Variants in DLGAP2 observed in about 807,000 individuals in gnomAD.
The protein encoded by DLGAP2 is DLG associated protein 2.
Under a neutral mutation model 100.3 loss-of-function variants are expected in DLGAP2, and 26 were observed. The observed-to-expected ratio is 0.26, with a 90% confidence interval of 0.19 to 0.36. DLGAP2 has a LOEUF of 0.36. Ranked by LOEUF, DLGAP2 falls within the 10% of genes least tolerant of loss-of-function variation. The probability of loss-of-function intolerance (pLI) is 1.00; values close to 1 mark genes in which losing one functional copy is unlikely to be tolerated. For missense variants in DLGAP2, 1,858 were observed against 1,453.2 expected, an observed-to-expected ratio of 1.28 and a Z score of -4.53; for synonymous variants, 886 against 630.1, an observed-to-expected ratio of 1.41 and a Z score of -6.08.
At chr8:927,071 C>T (rs1249043711) in intron 2 of DLGAP2, 2 of 985,258 alleles carry the variant, frequency 2.0e-6, no homozygotes, top group Middle Eastern at 5.2e-4. Flanking sequence ...TGGGAGAGAT[C>T]CTCGTGGGAG....
chr8:1,295,673 TC>T (rs1215386552), intron 3 of DLGAP2, among the ~76,000 whole-genome samples: 4 of 152,104 alleles, frequency 2.6e-5, no homozygotes, highest in African/African-American at 9.7e-5. Flanking sequence ...CCAATTTGGA[TC>T]CTTTAAAAAC....
chr8:998,745 G>T (rs2129017552), intron 2 of DLGAP2, among the ~76,000 whole-genome samples: 1 of 152,242 alleles, frequency 6.6e-6, no homozygotes, highest in South Asian at 2.1e-4. Flanking sequence ...GGAAAACTTG[G>T]GTTCTTTTAA....
At chr8:1,166,256 G>A (rs1797013800) in intron 2 of DLGAP2, among the ~76,000 whole-genome samples, 1 of 152,168 alleles carries the variant, frequency 6.6e-6, no homozygotes, top group Admixed American at 6.5e-5. Flanking sequence ...CCTGAGTCAT[G>A]GCTAATGGCC....
At chr8:1,009,543 C>T (rs917305169) in intron 2 of DLGAP2, among the ~76,000 whole-genome samples, 5 of 152,150 alleles carry the variant, frequency 3.3e-5, no homozygotes, top group Non-Finnish European at 7.3e-5. Context: ...TAGCTTTACA[C>T]GTGGGAATTT....
intron 3 of DLGAP2, among the ~76,000 whole-genome samples, chr8:1,500,643 G>C (rs924565932): frequency 6.6e-6 from 1 of 152,260 alleles, no homozygotes; most frequent in Admixed American, 6.5e-5. Flanking sequence ...AAGCTTGTCT[G>C]TCTCCCCAGT....
intron 2 of DLGAP2, among the ~76,000 whole-genome samples, chr8:1,244,934 C>T (rs73168459): frequency 0.035 from 5,360 of 152,126 alleles, 140 homozygotes; most frequent in Non-Finnish European, 0.048. Context: ...AAAGACAAGC[C>T]GAGAAAGGGA....
chr8:904,896 T>C (rs1204988523), intron 1 of DLGAP2, among the ~76,000 whole-genome samples: 2 of 152,196 alleles, frequency 1.3e-5, no homozygotes, highest in African/African-American at 2.4e-5. Context: ...CGGCCTTCTG[T>C]AAATCCTTCA....
chr8:806,671 G>A (rs59538097), intron 1 of DLGAP2, among the ~76,000 whole-genome samples: 12,405 of 152,192 alleles, frequency 0.082, 1,123 homozygotes, highest in African/African-American at 0.22. Context: ...TTCCTTTCTC[G>A]TGGGAACTTT....
At chr8:1,540,109 A>G (rs1306232292) in intron 4 of DLGAP2, among the ~76,000 whole-genome samples, 2 of 152,086 alleles carry the variant, frequency 1.3e-5, no homozygotes, top group African/African-American at 4.8e-5. Context: ...AGAGCTGTGG[A>G]CGCACCGTGC....
chr8:1,367,288 C>G (rs988192044), intron 3 of DLGAP2, among the ~76,000 whole-genome samples: 2 of 152,242 alleles, frequency 1.3e-5, no homozygotes, highest in East Asian at 1.9e-4. Flanking sequence ...AACTCAAAAG[C>G]TTTCTCTAGG....
rs981802702 is a variant in DLGAP2 at position 799,359 on chromosome 8, T to C, written c.18+61534T>C. On this transcript the variant is annotated intron_variant, in intron 1 of 14. Transcript: ENST00000637795. ...GAGGAGGGAGTGTGGCGGGAGGGGG[T>C]TGAATAATTAGGAGCAGCAGGATCC... Among the ~76,000 whole-genome samples, 6 of 150,024 alleles carry C rather than the reference T, an allele frequency of 4.0e-5. No homozygotes were observed. In the East Asian group the frequency reaches 1.2e-3, roughly 29 times the overall value.
chr8:1,173,185 G>A (rs533502238), intron 2 of DLGAP2, among the ~76,000 whole-genome samples: 8 of 152,178 alleles, frequency 5.3e-5, no homozygotes, highest in African/African-American at 1.2e-4. Flanking sequence ...AGCGGTGTCC[G>A]CAGAACAGTG....
At chr8:931,815 C>A (rs750956332) in intron 2 of DLGAP2, among the ~76,000 whole-genome samples, 6 of 152,144 alleles carry the variant, frequency 3.9e-5, no homozygotes, top group Admixed American at 6.5e-5. Context: ...CATCCTTGAT[C>A]TTCATTTTTT....
In DLGAP2 at chr8:1,186,500, T is replaced by C. The variant is rs531886971; in HGVS notation, c.74-72351T>C. 1.8e-4 allele frequency among the ~76,000 whole-genome samples: 28 copies of C among 152,300 alleles called. 1 individual carries two copies. The highest frequency in any genetic ancestry group is 3.4e-3 in the Middle Eastern group (1 of 294). Reference sequence around the variant, plus strand: ...GAGTACCCATCAACAAGGCTGTCAGTGACTGCAGTGACTTCCAGGCGCCTT... The same window carrying C: ...GAGTACCCATCAACAAGGCTGTCAGCGACTGCAGTGACTTCCAGGCGCCTT... On this transcript the variant is annotated intron_variant, in intron 2 of 14. Transcript: ENST00000637795.
In DLGAP2 at chr8:1,099,986, A is replaced by G. The variant is rs1804522051; in HGVS notation, c.74-158865A>G. On this transcript the variant is annotated intron_variant, in intron 2 of 14. Coordinates refer to ENST00000637795, the MANE Select transcript of DLGAP2 (RefSeq NM_001346810.2). ...CCGAAGTCAACTGAGATCTGAAAATATTAAATGGAAAATTCTAGAAATGAA... is the reference window on the plus strand; with the variant it reads ...CCGAAGTCAACTGAGATCTGAAAATGTTAAATGGAAAATTCTAGAAATGAA... Among the ~76,000 whole-genome samples the G allele has an allele frequency of 2.0e-5, 3 of 152,248 alleles. No homozygotes were observed. In the South Asian group the frequency reaches 6.2e-4, roughly 32 times the overall value.
intron 3 of DLGAP2, among the ~76,000 whole-genome samples, chr8:1,345,399 C>T (rs961806927): frequency 1.2e-4 from 18 of 152,214 alleles, no homozygotes; most frequent in Non-Finnish European, 2.2e-4. Flanking sequence ...TGTAGTTTCC[C>T]CCATTTTGCC....
rs746307204 is a variant in DLGAP2 at position 1,565,847 on chromosome 8, G to C, written c.1395G>C (p.Glu465Asp). ...CACCAAAGTCGGCAATCCTACCAGA[G>C]CCGCTGCTGAAGTCCATCGGACAGA... ...KTSPKSAILP[E>D]PLLKSIGQRP... is the part of the protein sequence containing the mutation. Residue 465 changes from glutamate (E) to aspartate (D), a missense_variant, in exon 6 of 15, where the codon GAG becomes GAC. Coordinates refer to ENST00000637795, the MANE Select transcript of DLGAP2 (RefSeq NM_001346810.2). 8 of 1,612,860 alleles carry C rather than the reference G, an allele frequency of 5.0e-6. No individual in the cohort carries two copies. Among genetic ancestry groups the C allele is most frequent in the Non-Finnish European group, 6.8e-6 (8 of 1,179,410 alleles).
chr8:1,090,685 G>A lies in DLGAP2; in HGVS notation c.74-168166G>A, dbSNP rs140121761. On this transcript the variant is annotated intron_variant, in intron 2 of 14. Transcript: ENST00000637795. ...CTGTGCAGGTGGAAGGCAGTACGCT[G>A]TGTGGACGTCTGCTGACTCCAGGGC... Among the ~76,000 whole-genome samples, 6 of 152,366 alleles carry A rather than the reference G, an allele frequency of 3.9e-5. 1 individual carries two copies. In the East Asian group the frequency reaches 1.2e-3, roughly 29 times the overall value.
At chr8:862,822 C>T (rs891996905) in intron 1 of DLGAP2, among the ~76,000 whole-genome samples, 2 of 152,184 alleles carry the variant, frequency 1.3e-5, no homozygotes, top group African/African-American at 4.8e-5. Context: ...TGAGGATGCA[C>T]TGCTGACATG....
Sources: allele counts gnomAD v4.1 joint callset (sites outside exome capture counted in the v4.1 genomes callset), GRCh38; gene constraint gnomAD v4.1.1; transcripts MANE v1.5; gene names NCBI Gene and HGNC (gene_info 2026-07-23, HGNC 2026-07-21).